The following ZBTB44 variants were observed in gnomAD, a reference collection of about 807,000 sequenced individuals.
ZBTB44 encodes zinc finger and BTB domain containing 44.
ZBTB44 carries 15 observed loss-of-function variants against 54.0 expected under a neutral mutation model. The observed-to-expected ratio is 0.28, with a 90% CI of 0.19 to 0.43. ZBTB44 has a LOEUF of 0.43. Among genes scored for constraint, ZBTB44 ranks in the 20% least tolerant of loss-of-function variants. ZBTB44 has a pLI of 1.00. For missense variants in ZBTB44, 487 were observed against 707.1 expected, an observed-to-expected ratio of 0.69 and a Z score of 3.53; for synonymous variants, 230 against 250.1, an observed-to-expected ratio of 0.92 and a Z score of 0.76.
At chr11:130,288,796 C>T (rs1941127982) in intron 1 of ZBTB44, among the ~76,000 whole-genome samples, 1 of 151,512 alleles carries the variant, frequency 6.6e-6, no homozygotes, top group Admixed American at 6.6e-5. Flanking sequence ...ACTTGGGAGG[C>T]AGAGGCACGA....
intron 2 of ZBTB44, among the ~76,000 whole-genome samples, chr11:130,258,647 C>T (rs952083308): frequency 1.3e-5 from 2 of 152,122 alleles, no homozygotes; most frequent in Non-Finnish European, 2.9e-5. Flanking sequence ...CATTATCTTC[C>T]CAGATTCCCT....
intron 2 of ZBTB44, among the ~76,000 whole-genome samples, chr11:130,244,683 A>AAAG (rs1565648536): frequency 2.7e-4 from 21 of 79,196 alleles, no homozygotes; most frequent in African/African-American, 5.5e-4. Flanking sequence ...AAAAAAAAAA[A>AAAG]AAAGAAAGAA....
At chr11:130,244,319 T>C (rs1374095487) in intron 2 of ZBTB44, among the ~76,000 whole-genome samples, 1 of 152,168 alleles carries the variant, frequency 6.6e-6, no homozygotes, top group Non-Finnish European at 1.5e-5. Context: ...TCTGAGCCTC[T>C]GAGAATTTCG....
intron 1 of ZBTB44, among the ~76,000 whole-genome samples, chr11:130,276,051 C>A (rs1345115317): frequency 6.6e-6 from 1 of 151,088 alleles, no homozygotes; most frequent in Non-Finnish European, 1.5e-5. Context: ...CACGGTGAAA[C>A]CCCGTCTCTA....
intron 1 of ZBTB44, among the ~76,000 whole-genome samples, chr11:130,283,194 G>A (rs767340948): frequency 6.6e-6 from 1 of 151,728 alleles, no homozygotes; most frequent in Non-Finnish European, 1.5e-5. Flanking sequence ...ACAGGTGTAC[G>A]GGACTCACCT....
At chr11:130,234,702 GGTTA>G (rs1172492585) in intron 5 of ZBTB44, among the ~76,000 whole-genome samples, 4 of 152,254 alleles carry the variant, frequency 2.6e-5, no homozygotes, top group African/African-American at 9.6e-5. Flanking sequence ...ACTTGACATA[GGTTA>G]GTTAAGAAAC....
intron 1 of ZBTB44, among the ~76,000 whole-genome samples, chr11:130,297,596 G>T (rs1328693607): frequency 6.6e-6 from 1 of 152,180 alleles, no homozygotes; most frequent in Non-Finnish European, 1.5e-5. Flanking sequence ...AGGTGTCCTC[G>T]TATAAAGGGG....
At position 130,274,160 on chromosome 11, in the gene ZBTB44, A is replaced by G. The variant is rs187473767; in HGVS notation, c.-56-12231T>C. On this transcript the variant is annotated intron_variant, in intron 1 of 7. Coordinates refer to ENST00000357899, the MANE Select transcript of ZBTB44 (RefSeq NM_001301098.2). ...ATTTGCATTACATGTTATTAGTTGA[A>G]CATTCCTAAATCCAAAAACCCGAAA... 1.2e-4 allele frequency among the ~76,000 whole-genome samples: 18 copies of G among 150,430 alleles called. No homozygotes were observed. In the East Asian group the frequency reaches 3.5e-3, roughly 29 times the overall value.
chr11:130,303,109 C>T (rs775051735), intron 1 of ZBTB44, among the ~76,000 whole-genome samples: 4 of 152,062 alleles, frequency 2.6e-5, no homozygotes, highest in Non-Finnish European at 5.9e-5. Flanking sequence ...TGCTTATCTG[C>T]CAAGAATAGG....
chr11:130,258,310 T>G (rs1938593560), intron 2 of ZBTB44, among the ~76,000 whole-genome samples: 1 of 152,218 alleles, frequency 6.6e-6, no homozygotes, highest in African/African-American at 2.4e-5. Context: ...TTCAGTATCA[T>G]CAGGTACTAA....
At chr11:130,296,973 C>T (rs1301683336) in intron 1 of ZBTB44, 1 of 746,398 alleles carries the variant, frequency 1.3e-6, no homozygotes, top group Non-Finnish European at 2.5e-6. Flanking sequence ...ATTTGACTAC[C>T]AGAAAATCAA....
At chr11:130,255,911 A>AC (rs1565655507) in intron 2 of ZBTB44, among the ~76,000 whole-genome samples, 3 of 150,388 alleles carry the variant, frequency 2.0e-5, no homozygotes, top group Non-Finnish European at 4.4e-5. Flanking sequence ...AAAAAAAAAA[A>AC]AAAAAAAAAA....
chr11:130,309,665 C>T (rs1009997357), intron 1 of ZBTB44, among the ~76,000 whole-genome samples: 1 of 151,960 alleles, frequency 6.6e-6, no homozygotes, highest in Non-Finnish European at 1.5e-5. Flanking sequence ...GAGGCCGAGG[C>T]AGGTGAATCA....
intron 1 of ZBTB44, among the ~76,000 whole-genome samples, chr11:130,265,825 T>C (rs969745952): frequency 7.2e-5 from 11 of 152,080 alleles, no homozygotes; most frequent in Admixed American, 3.3e-4. Context: ...AGAAGAAAAG[T>C]TGGAAGCTAG....
rs1941689155 is a variant in ZBTB44, at chr11:130,296,930, A to G, written c.-57+17445T>C. Reference sequence around the variant, plus strand: ...TTGATCTGAATGTCAATGGCAATGAAGGCAAGCAGAAAAAGCGAGGAGGTG... The same window carrying G: ...TTGATCTGAATGTCAATGGCAATGAGGGCAAGCAGAAAAAGCGAGGAGGTG... On this transcript the variant is annotated intron_variant, in intron 1 of 7. Transcript: ENST00000357899. The G allele has an allele frequency of 6.8e-6, 5 of 737,950 alleles. No homozygotes were observed. In the Admixed American group the frequency reaches 9.8e-5, roughly 15 times the overall value. 45.7% of individuals were successfully genotyped at this position (737,950 alleles called of 1,614,324 possible).
intron 1 of ZBTB44, chr11:130,295,647 T>C: frequency 9.6e-6 from 11 of 1,141,252 alleles, no homozygotes; most frequent in Admixed American, 4.1e-5. Context: ...AAAAATGGGT[T>C]TTACCAACAT....
At chr11:130,297,341 A>G in intron 1 of ZBTB44, among the ~76,000 whole-genome samples, 1 of 152,206 alleles carries the variant, frequency 6.6e-6, no homozygotes, top group South Asian at 2.1e-4. Flanking sequence ...TCATACACAC[A>G]AATGTATGTT....
intron 1 of ZBTB44, among the ~76,000 whole-genome samples, chr11:130,292,085 T>C (rs1253791204): frequency 1.3e-5 from 2 of 152,232 alleles, no homozygotes; most frequent in African/African-American, 4.8e-5. Flanking sequence ...TCCATGCTGT[T>C]GAGCGTAAGG....
intron 1 of ZBTB44, among the ~76,000 whole-genome samples, chr11:130,273,307 AT>A (rs34506406): frequency 1.2e-3 from 154 of 126,284 alleles, no homozygotes; most frequent in Middle Eastern, 4.2e-3. Flanking sequence ...TATTTTCTTA[AT>A]TTTTTTTTTT....
Sources: allele counts gnomAD v4.1 joint callset (sites outside exome capture counted in the v4.1 genomes callset), GRCh38; gene constraint gnomAD v4.1.1; transcripts MANE v1.5; gene names NCBI Gene and HGNC (gene_info 2026-07-23, HGNC 2026-07-21).